Variants in USH2A observed in about 807,000 individuals in gnomAD.
USH2A encodes Usher syndrome 2A (autosomal recessive, mild).
In USH2A, 443 loss-of-function variants were observed where a neutral mutation model predicts 538.9. The ratio of observed to expected loss-of-function variants is 0.82; its 90% CI spans 0.76 to 0.89. The LOEUF is 0.89. USH2A is among the 40% of genes least tolerant of loss of function. The pLI is 0.00. For synonymous variants in USH2A, 2,413 were observed against 2,273.5 expected (o/e 1.06, Z -1.75); for missense variants, 6,633 against 6,324.8 (o/e 1.05, Z -1.65).
rs1180554926 is a variant in USH2A at position 215,743,198 on chromosome 1, T to G, written c.11527A>C (p.Arg3843=). 6.2e-7 allele frequency: 1 copy of G among 1,611,346 alleles called. No homozygotes were observed. The highest frequency in any genetic ancestry group is 8.5e-7 in the Non-Finnish European group (1 of 1,178,624). The part of the protein sequence containing the change: ...NLTPFTQYEI[R]IQACQNGSCG... ...TCACCATTTTGACATGCTTGTATCC[T>G]TATCTCATACTGTGTGAATGGAGTC... The change falls in exon 59 of 72, where the codon AGG becomes CGG. Residue 3843 remains arginine (R), a synonymous_variant. Transcript: ENST00000307340.
At chr1:216,084,948 C>A in intron 24 of USH2A, 71 bp from the exon 25 acceptor site, 2 of 1,504,804 alleles carry the variant, frequency 1.3e-6, no homozygotes, top group South Asian at 1.1e-5. Flanking sequence ...ATTTTATGTG[C>A]CATTAAAGTC....
chr1:216,039,476 T>C (rs1447528442), intron 32 of USH2A, among the ~76,000 whole-genome samples: 2 of 152,020 alleles, frequency 1.3e-5, no homozygotes, highest in Non-Finnish European at 2.9e-5. Flanking sequence ...AATCCTCACA[T>C]GCTCTGCTTT....
intron 29 of USH2A, 72 bp downstream of exon 29, chr1:216,072,817 T>C (rs2102548443): frequency 7.0e-7 from 1 of 1,421,598 alleles, no homozygotes; most frequent in Non-Finnish European, 9.9e-7. Flanking sequence ...GTAATAGTCC[T>C]TCCTTTTATA....
At chr1:216,211,506 T>TA (rs758406369) in intron 15 of USH2A, among the ~76,000 whole-genome samples, 6 of 152,144 alleles carry the variant, frequency 3.9e-5, no homozygotes, top group Non-Finnish European at 7.4e-5. Context: ...GAATGTAAAA[T>TA]ATATAAAATT....
At chr1:215,761,542 G>C (rs1485265146) in intron 56 of USH2A, among the ~76,000 whole-genome samples, 1 of 152,102 alleles carries the variant, frequency 6.6e-6, no homozygotes, top group Non-Finnish European at 1.5e-5. Context: ...TATCTCTATG[G>C]ATAACACAAT....
intron 69 of USH2A, among the ~76,000 whole-genome samples, chr1:215,635,716 T>C (rs150741633): frequency 0.042 from 6,342 of 151,920 alleles, 191 homozygotes; most frequent in African/African-American, 0.082. Context: ...CCACTATGCC[T>C]GGCTAATTTT....
At chr1:215,844,532 T>C (rs1486470188) in intron 45 of USH2A, 36 bp from the exon 46 acceptor site, 6 of 1,597,906 alleles carry the variant, frequency 3.8e-6, no homozygotes, top group East Asian at 4.5e-5. Context: ...AAACTCCAGC[T>C]GTCTCTGAAA....
intron 3 of USH2A, among the ~76,000 whole-genome samples, chr1:216,396,339 T>C (rs922169391): frequency 6.6e-6 from 1 of 152,198 alleles, no homozygotes; most frequent in Admixed American, 6.5e-5. Context: ...TGCTTGAAAT[T>C]ATCTAAACTG....
chr1:216,394,868 G>A (rs867498081), intron 3 of USH2A, among the ~76,000 whole-genome samples: 13 of 151,542 alleles, frequency 8.6e-5, no homozygotes, highest in South Asian at 4.2e-4. Flanking sequence ...ACAGGCGCCC[G>A]CCACCACGCC....
At position 215,634,387 on chromosome 1, in the gene USH2A, A is replaced by G. The variant is rs547926536; in HGVS notation, c.15297+72T>C. ...TTCCTTGTTACCATGGCTATGACACATTTTTCTCAGAAGGAAAACAAGTAT... is the reference window on the plus strand; with the variant it reads ...TTCCTTGTTACCATGGCTATGACACGTTTTTCTCAGAAGGAAAACAAGTAT... On this transcript the variant is annotated intron_variant, in intron 70 of 71. Coordinates refer to ENST00000307340, the MANE Select transcript of USH2A (RefSeq NM_206933.4). 8 of 1,610,300 alleles carry G rather than the reference A, an allele frequency of 5.0e-6. No homozygotes were observed. In the African/African-American group the frequency reaches 8.0e-5, roughly 16 times the overall value.
chr1:215,630,466 A>ATGTGTG (rs1191573991), intron 70 of USH2A, among the ~76,000 whole-genome samples: 1 of 114,624 alleles, frequency 8.7e-6, no homozygotes, highest in South Asian at 3.4e-4. Flanking sequence ...ATATATATGT[A>ATGTGTG]TGTGTATGTG....
At chr1:216,367,675 T>C (rs2038625210) in intron 3 of USH2A, among the ~76,000 whole-genome samples, 1 of 152,142 alleles carries the variant, frequency 6.6e-6, no homozygotes. Context: ...CATTGCCCCC[T>C]CCACTACCAA....
rs779915464 is a variant in USH2A at position 216,422,169 on chromosome 1, T to C, written c.168A>G (p.Ala56=). 5 of 1,613,534 alleles carry C rather than the reference T, an allele frequency of 3.1e-6. No individual in the cohort carries two copies. The highest frequency in any genetic ancestry group is 4.2e-6 in the Non-Finnish European group (5 of 1,179,652). ...FKKVSIVPTQ[A]VCGLPDRSTF... is the part of the protein sequence containing the mutation. ...TGCTTCGGTCTGGGAGTCCACATAC[T>C]GCTTGGGTTGGCACGATGGAAACTT... The change falls in exon 2 of 72, where the codon GCA becomes GCG. Residue 56 remains alanine (A), a synonymous_variant. Coordinates refer to ENST00000307340, the MANE Select transcript of USH2A (RefSeq NM_206933.4).
chr1:215,681,410 A>C (rs566154062), intron 61 of USH2A, among the ~76,000 whole-genome samples: 1 of 152,242 alleles, frequency 6.6e-6, no homozygotes, highest in Non-Finnish European at 1.5e-5. Flanking sequence ...ATCATGAGAA[A>C]GTTTTGACTG....
At chr1:216,324,656 C>A (rs970874645) in intron 6 of USH2A, among the ~76,000 whole-genome samples, 2 of 152,026 alleles carry the variant, frequency 1.3e-5, no homozygotes, top group African/African-American at 4.8e-5. Context: ...AGAAAAAGCA[C>A]CTTAGTTTGT....
At chr1:216,082,052 G>C (rs2031966823) in intron 26 of USH2A, among the ~76,000 whole-genome samples, 1 of 152,028 alleles carries the variant, frequency 6.6e-6, no homozygotes. Flanking sequence ...TCCTCAAGAG[G>C]AGGAGCCAAA....
chr1:216,153,721 A>C (rs1417000943), intron 21 of USH2A, among the ~76,000 whole-genome samples: 1 of 151,620 alleles, frequency 6.6e-6, no homozygotes, highest in African/African-American at 2.4e-5. Context: ...TATAAGGGGA[A>C]AAAAACCCTC....
At chr1:215,775,091 A>G (rs1324918723) in intron 55 of USH2A, among the ~76,000 whole-genome samples, 6 of 151,994 alleles carry the variant, frequency 3.9e-5, no homozygotes, top group Non-Finnish European at 7.4e-5. Context: ...GAAACTCCCA[A>G]AGCTTTTTGA....
At position 215,640,844 on chromosome 1, in the gene USH2A, C is replaced by CA. The variant is rs56212994; in HGVS notation, c.14792-111dup. On this transcript the variant is annotated intron_variant, in intron 67 of 71. Transcript: ENST00000307340. ...CAAAATCAAACCGAACCAATCCAAACAAAAAAAAAAAAAAAAAAGAAAACC... is the reference window on the plus strand; with the variant it reads ...CAAAATCAAACCGAACCAATCCAAACAAAAAAAAAAAAAAAAAAAGAAAACC... The CA allele has an allele frequency of 0.012, 5,957 of 495,050 alleles. 194 individuals carry two copies. The highest frequency in any genetic ancestry group is 0.1 in the African/African-American group (3,880 of 37,938). 30.7% of individuals were successfully genotyped at this position (495,050 alleles called of 1,614,324 possible).
Sources: allele counts gnomAD v4.1 joint callset (sites outside exome capture counted in the v4.1 genomes callset), GRCh38; gene constraint gnomAD v4.1.1; transcripts MANE v1.5; gene names NCBI Gene and HGNC (gene_info 2026-07-23, HGNC 2026-07-21).